APP: variants seen among roughly 807,000 people sequenced by gnomAD.
APP encodes the protein amyloid beta precursor protein.
APP carries 31 observed loss-of-function variants against 101.4 expected under a neutral mutation model. That is an observed-to-expected ratio of 0.31 (90% CI 0.23 to 0.41). APP has a LOEUF of 0.41. Ranked by LOEUF, APP falls within the 10% of genes least tolerant of loss-of-function variation. APP has a pLI of 1.00. For missense variants in APP, 839 were observed against 1,003.7 expected, an observed-to-expected ratio of 0.84 and a Z score of 2.22; for synonymous variants, 366 against 364.4, an observed-to-expected ratio of 1.00 and a Z score of -0.05.
At chr21:25,897,069 A>G (rs1345985515) in intron 16 of APP, among the ~76,000 whole-genome samples, 2 of 152,148 alleles carry the variant, frequency 1.3e-5, no homozygotes, top group East Asian at 3.8e-4. Flanking sequence ...TTAAGTCCCG[A>G]GTCATGCACG....
At chr21:26,029,180 C>A (rs575609238) in intron 5 of APP, among the ~76,000 whole-genome samples, 1 of 152,180 alleles carries the variant, frequency 6.6e-6, no homozygotes, top group African/African-American at 2.4e-5. Flanking sequence ...ATAGTGTTAC[C>A]CAGTACGGTT....
At chr21:26,017,989 G>C (rs2044178146) in intron 6 of APP, among the ~76,000 whole-genome samples, 1 of 152,112 alleles carries the variant, frequency 6.6e-6, no homozygotes, top group South Asian at 2.1e-4. Flanking sequence ...CTGTTGCCCA[G>C]GCTGGAGTGC....
At chr21:26,119,707 T>C (rs201084881) in intron 1 of APP, among the ~76,000 whole-genome samples, 5 of 126,894 alleles carry the variant, frequency 3.9e-5, no homozygotes, top group South Asian at 2.8e-4. Flanking sequence ...CACACACACA[T>C]ATACACACAG....
intron 3 of APP, among the ~76,000 whole-genome samples, chr21:26,054,588 T>C (rs2045962177): frequency 6.6e-6 from 1 of 150,482 alleles, no homozygotes; most frequent in Admixed American, 6.7e-5. Context: ...AGGTTTTGGA[T>C]GCCATTTTGG....
At chr21:26,125,246 G>A (rs1373331447) in intron 1 of APP, among the ~76,000 whole-genome samples, 2 of 152,160 alleles carry the variant, frequency 1.3e-5, no homozygotes, top group African/African-American at 2.4e-5. Flanking sequence ...ACCAGTGTAT[G>A]AGGAGGATGC....
intron 15 of APP, among the ~76,000 whole-genome samples, chr21:25,898,614 T>C (rs914608670): frequency 1.3e-5 from 2 of 152,354 alleles, no homozygotes; most frequent in Admixed American, 6.5e-5. Flanking sequence ...CCTCCATTTT[T>C]TGATAGATTT....
At chr21:25,985,646 A>G (rs2042609849) in intron 8 of APP, among the ~76,000 whole-genome samples, 1 of 152,096 alleles carries the variant, frequency 6.6e-6, no homozygotes, top group Non-Finnish European at 1.5e-5. Flanking sequence ...TTGTTGTGTG[A>G]GTCAATTCTG....
At chr21:26,077,877 A>G (rs2061527814) in intron 3 of APP, among the ~76,000 whole-genome samples, 1 of 152,196 alleles carries the variant, frequency 6.6e-6, no homozygotes, top group Non-Finnish European at 1.5e-5. Context: ...GAAACCACTC[A>G]GTGACTAATA....
intron 3 of APP, among the ~76,000 whole-genome samples, chr21:26,073,010 T>C (rs1009776273): frequency 4.6e-5 from 7 of 152,146 alleles, no homozygotes. Context: ...TCTGAATTCT[T>C]GGTGGAGCAC....
intron 1 of APP, among the ~76,000 whole-genome samples, chr21:26,139,935 T>A (rs2063004481): frequency 1.3e-5 from 2 of 152,046 alleles, no homozygotes; most frequent in South Asian, 4.1e-4. Context: ...TCTGGCAAAG[T>A]AAGAGTATTT....
intron 13 of APP, among the ~76,000 whole-genome samples, chr21:25,924,346 AATGTCAC>A (rs2039769868): frequency 0.25 from 1 of 4 alleles, no homozygotes; most frequent in Non-Finnish European, 0.5. Flanking sequence ...TAAGCTGCAC[AATGTCAC>A]ATGTACCCTA....
At chr21:26,165,624 G>A (rs531799680) in intron 1 of APP, among the ~76,000 whole-genome samples, 4 of 152,254 alleles carry the variant, frequency 2.6e-5, no homozygotes, top group South Asian at 4.1e-4. Flanking sequence ...ACTCTGGTTC[G>A]TTCTACAGAG....
intron 9 of APP, among the ~76,000 whole-genome samples, chr21:25,979,386 T>A (rs374075812): frequency 1.3e-5 from 2 of 152,240 alleles, no homozygotes; most frequent in East Asian, 3.8e-4. Flanking sequence ...TTTGGATTTA[T>A]CAATCTTCAA....
In APP at chr21:26,053,298, A is replaced by G; in HGVS notation, c.406T>C (p.Leu136=). The G allele has an allele frequency of 6.2e-7, 1 of 1,613,960 alleles. No individual in the cohort carries two copies. The highest frequency in any genetic ancestry group is 8.5e-7 in the Non-Finnish European group (1 of 1,179,890). The change falls in exon 4 of 18, where the codon TTA becomes CTA. Residue 136 remains leucine (L), a synonymous_variant. Coordinates refer to ENST00000346798, the MANE Select transcript of APP (RefSeq NM_000484.4). ...CAAACATCCATCCTCTCCTGGTGTA[A>G]GAATTTGCACTTGTCAGGAACGAGA... The part of the protein sequence containing the change: ...ALLVPDKCKF[L]HQERMDVCET...
chr21:26,043,445 G>A (rs1328899296), intron 5 of APP, among the ~76,000 whole-genome samples: 1 of 151,546 alleles, frequency 6.6e-6, no homozygotes, highest in Non-Finnish European at 1.5e-5. Context: ...TGGCCAGGCT[G>A]GTCTTGAACT....
intron 1 of APP, among the ~76,000 whole-genome samples, chr21:26,127,305 T>C (rs1206979674): frequency 6.6e-6 from 1 of 152,106 alleles, no homozygotes; most frequent in Non-Finnish European, 1.5e-5. Flanking sequence ...AGTCAGAATC[T>C]CTCTGTAGGT....
chr21:26,119,222 C>G (rs925710147), intron 1 of APP, among the ~76,000 whole-genome samples: 1 of 152,136 alleles, frequency 6.6e-6, no homozygotes, highest in African/African-American at 2.4e-5. Context: ...TTTTTTAATT[C>G]TTCAATCTTG....
intron 3 of APP, among the ~76,000 whole-genome samples, chr21:26,086,691 C>T (rs1373959769): frequency 2.0e-5 from 3 of 152,162 alleles, no homozygotes; most frequent in Non-Finnish European, 2.9e-5. Context: ...TTACCTACTA[C>T]TACTATAAAG....
intron 6 of APP, chr21:26,009,472 A>G (rs2043684848): frequency 6.6e-6 from 1 of 152,236 alleles, no homozygotes; most frequent in African/African-American, 2.4e-5. Flanking sequence ...TTCAAGTGGT[A>G]TCATTCCTAT....
Sources: allele counts gnomAD v4.1 joint callset (sites outside exome capture counted in the v4.1 genomes callset), GRCh38; gene constraint gnomAD v4.1.1; transcripts MANE v1.5; gene names NCBI Gene and HGNC (gene_info 2026-07-23, HGNC 2026-07-21).